The following UBR4 variants were observed in gnomAD, a reference collection of about 807,000 sequenced individuals.
The protein encoded by UBR4 is E3 ubiquitin-protein ligase UBR4.
Under a neutral mutation model 575.6 loss-of-function variants are expected in UBR4, and 124 were observed. That is an observed-to-expected ratio of 0.22 (90% confidence interval 0.19 to 0.25). UBR4 has a LOEUF of 0.25. Ranked by LOEUF, UBR4 falls within the 10% of genes least tolerant of loss-of-function variation. The pLI is 1.00. For missense variants in UBR4, 4,818 were observed against 6,478.8 expected (o/e 0.74, Z 8.80); for synonymous variants, 2,455 against 2,473.7 (o/e 0.99, Z 0.22).
At chr1:19,190,580 C>T (rs2091993926) in intron 11 of UBR4, among the ~76,000 whole-genome samples, 1 of 151,940 alleles carries the variant, frequency 6.6e-6, no homozygotes, top group Non-Finnish European at 1.5e-5. Flanking sequence ...ATTTCTTCCC[C>T]ATCTTCCCAT....
rs376978717 is a variant in UBR4 at position 19,099,713 on chromosome 1, T to C, written c.13222-36A>G. On this transcript the variant is annotated intron_variant, in intron 89 of 105. Transcript: ENST00000375254. ...AAGCAGGTGAAGCTGTTGTTCCAAA[T>C]AATTGTAAGACAAGTAAAATCCAAG... The C allele has an allele frequency of 6.0e-5, 95 of 1,580,606 alleles. No individual in the cohort carries two copies. In the African/African-American group the frequency reaches 1.2e-3, roughly 20 times the overall value.
intron 90 of UBR4, among the ~76,000 whole-genome samples, chr1:19,097,913 A>G (rs1239062186): frequency 1.3e-5 from 2 of 152,258 alleles, no homozygotes; most frequent in African/African-American, 4.8e-5. Flanking sequence ...GACTAGAATG[A>G]TAAGAATCAA....
chr1:19,114,010 C>T lies in UBR4; in HGVS notation c.11263G>A (p.Gly3755Arg). 1 of 1,614,210 alleles carries T rather than the reference C, an allele frequency of 6.2e-7. No homozygotes were observed. Among genetic ancestry groups the T allele is most frequent in the Non-Finnish European group, 8.5e-7 (1 of 1,180,036 alleles). The change falls in exon 76 of 106, where the codon GGA (glycine) becomes AGA (arginine). Residue 3755 changes from glycine to arginine, a missense_variant. Physicochemically the swap from Gly to Arg is moderately radical, Grantham distance 125 (BLOSUM62 -2). Coordinates refer to ENST00000375254, the MANE Select transcript of UBR4 (RefSeq NM_020765.3). ...AGGTTCTCCAGCTGTGGCCGGTGTC[C>T]CATCAGCTGATGATACACTCGATCA... Reference protein sequence around the residue: ...KADRVYHQLMGHRPQLENLLC... With the variant: ...KADRVYHQLMRHRPQLENLLC...
In UBR4 at chr1:19,114,118, C is replaced by G. The variant is rs569553473; in HGVS notation, c.11203-48G>C. ...TGAGTGAAGGCTTTTTGGCTGATGA[C>G]TTTCCCTGAGTAATCCTCACTGCTA... is the stretch of plus-strand genomic sequence containing the variant. On this transcript the variant is annotated intron_variant, in intron 75 of 105. Coordinates refer to ENST00000375254, the MANE Select transcript of UBR4 (RefSeq NM_020765.3). 8 of 1,590,760 alleles carry G rather than the reference C, an allele frequency of 5.0e-6. No individual in the cohort carries two copies. The East Asian group carries it at 1.8e-4, about 36-fold the overall frequency.
At position 19,172,907 on chromosome 1, in the gene UBR4, G is replaced by C. The variant is rs768521513; in HGVS notation, c.3478C>G (p.Pro1160Ala). 1.9e-6 allele frequency: 3 copies of C among 1,614,194 alleles called. No homozygotes were observed. Among genetic ancestry groups the C allele is most frequent in the South Asian group, 2.2e-5 (2 of 91,084 alleles). ...KSSEITKNLL[P>A]ATLQLIDTYA... ...GTGTCAATGAGTTGCAGCGTGGCTGGAAGTAGGTTCTTGGTAATCTCAGAC... is the reference window on the plus strand; with the variant it reads ...GTGTCAATGAGTTGCAGCGTGGCTGCAAGTAGGTTCTTGGTAATCTCAGAC... The change falls in exon 25 of 106, where the codon CCA (proline) becomes GCA (alanine). Residue 1160 changes from proline (P) to alanine (A), a missense_variant. Transcript: ENST00000375254.
chr1:19,097,884 T>A (rs920938792), intron 90 of UBR4, among the ~76,000 whole-genome samples: 2 of 152,236 alleles, frequency 1.3e-5, no homozygotes, highest in Non-Finnish European at 2.9e-5. Flanking sequence ...CACAATTCTT[T>A]AAGCTAAACC....
At chr1:19,109,260 G>A (rs2079571619) in intron 81 of UBR4, among the ~76,000 whole-genome samples, 1 of 152,192 alleles carries the variant, frequency 6.6e-6, no homozygotes, top group Admixed American at 6.5e-5. Context: ...AAGAACTATG[G>A]CCTCCCAATT....
rs16862575 is a variant in UBR4 at position 19,160,877 on chromosome 1, G to A, written c.5406+40C>T. ...CTCTCACACCAATTCAACAGGCTCTGAACTCTGTCTGCTTACTAGGGAGCA... is the reference window on the plus strand; with the variant it reads ...CTCTCACACCAATTCAACAGGCTCTAAACTCTGTCTGCTTACTAGGGAGCA... On this transcript the variant is annotated intron_variant, in intron 38 of 105. Coordinates refer to ENST00000375254, the MANE Select transcript of UBR4 (RefSeq NM_020765.3). The A allele has an allele frequency of 5.5e-3, 8,756 of 1,597,250 alleles. 219 individuals are homozygous for A. In the East Asian group the frequency reaches 0.07, roughly 13 times the overall value.
chr1:19,162,013 C>A, intron 35 of UBR4, 116 bp from the exon 36 acceptor site: 1 of 1,165,164 alleles, frequency 8.6e-7, no homozygotes, highest in East Asian at 2.5e-5. Context: ...GCAAATGACC[C>A]GTGGAAATCT....
At chr1:19,185,677 G>A (rs573641671) in intron 14 of UBR4, among the ~76,000 whole-genome samples, 10 of 150,834 alleles carry the variant, frequency 6.6e-5, no homozygotes, top group Admixed American at 4.6e-4. Flanking sequence ...AGGTTCAAGC[G>A]ATTCTCCTGC....
chr1:19,131,051 G>T (rs968548183), intron 60 of UBR4, among the ~76,000 whole-genome samples: 40 of 151,862 alleles, frequency 2.6e-4, no homozygotes, highest in African/African-American at 9.2e-4. Context: ...TGGTACCACT[G>T]GCGCATGCCA....
In UBR4 at chr1:19,112,786, C is replaced by G; in HGVS notation, c.11539G>C (p.Val3847Leu). Reference sequence around the variant, plus strand: ...TGGCTGGCAGTGAATGTGGGCTGCACGGAGGTCCGGGATGATTTAGTGGCT... The same window carrying G: ...TGGCTGGCAGTGAATGTGGGCTGCAGGGAGGTCCGGGATGATTTAGTGGCT... ...EAATKSSRTSVQPTFTASQYR... is the reference protein window; with the variant it reads ...EAATKSSRTSLQPTFTASQYR... The change falls in exon 78 of 106, where the codon GTG (valine) becomes CTG (leucine). Residue 3847 changes from valine (V) to leucine (L), a missense_variant. Val to Leu is a conservative substitution (Grantham distance 32). This residue lies in a region of UBR4 where 333 missense variants were observed against 459.2 expected (regional missense o/e 0.73). Coordinates refer to ENST00000375254, the MANE Select transcript of UBR4 (RefSeq NM_020765.3). 6.2e-7 allele frequency: 1 copy of G among 1,614,166 alleles called. No individual in the cohort carries two copies. The highest frequency in any genetic ancestry group is 8.5e-7 in the Non-Finnish European group (1 of 1,180,002).
At chr1:19,130,511 G>A (rs749010475) in intron 60 of UBR4, among the ~76,000 whole-genome samples, 2 of 152,188 alleles carry the variant, frequency 1.3e-5, no homozygotes, top group Admixed American at 6.5e-5. Context: ...GCAAGTCCCT[G>A]TCTCTAAAAA....
At chr1:19,205,473 ATCTT>A (rs1330390973) in intron 1 of UBR4, among the ~76,000 whole-genome samples, 8 of 152,162 alleles carry the variant, frequency 5.3e-5, no homozygotes, top group African/African-American at 1.9e-4. Context: ...GCTTATTCCT[ATCTT>A]TCTATCTATA....
At chr1:19,107,003 A>G (rs771041178) in intron 81 of UBR4, 37 bp from the exon 82 acceptor site, 5 of 1,608,388 alleles carry the variant, frequency 3.1e-6, no homozygotes, top group Non-Finnish European at 4.2e-6. Context: ...AGGGCGCTCA[A>G]GGGCACACCT....
In UBR4 at chr1:19,121,919, A is replaced by G; in HGVS notation, c.9895+15T>C. On this transcript the variant is annotated intron_variant, in intron 67 of 105. Coordinates refer to ENST00000375254, the MANE Select transcript of UBR4 (RefSeq NM_020765.3). The stretch of plus-strand genomic sequence containing the variant: ...TGAATGAATAACAGCAATCAAAAGG[A>G]GCAGCATTGCTTACAGTCATCTTTG... 1 of 1,614,096 alleles carries G rather than the reference A, an allele frequency of 6.2e-7. No individual in the cohort carries two copies. Among genetic ancestry groups the G allele is most frequent in the Non-Finnish European group, 8.5e-7 (1 of 1,179,966 alleles).
In UBR4 at chr1:19,112,859, A is replaced by C; in HGVS notation, c.11466T>G (p.Phe3822Leu). 6.4e-7 allele frequency: 1 copy of C among 1,573,324 alleles called. No individual in the cohort carries two copies. The highest frequency in any genetic ancestry group is 1.2e-5 in the South Asian group (1 of 86,416). Residue 3822 changes from phenylalanine to leucine, a missense_variant, in exon 78 of 106, where the codon TTT becomes TTG. Around this residue, in one of 29 missense-constraint regions of UBR4, gnomAD observed 333 missense variants for 459.2 expected, o/e 0.73. Coordinates refer to ENST00000375254, the MANE Select transcript of UBR4 (RefSeq NM_020765.3). The part of the protein sequence containing the change: ...DELSKIIQKV[F>L]ASRKELLEYD... ...ATTCCAACAACTCTTTGCGCGAAGC[A>C]AAGACTTTCTAAGAACAAAAAGGCA... is the stretch of plus-strand genomic sequence containing the variant.
chr1:19,193,323 A>C, intron 9 of UBR4, 110 bp downstream of exon 9: 6 of 1,441,998 alleles, frequency 4.2e-6, no homozygotes, highest in Non-Finnish European at 5.6e-6. Flanking sequence ...CAGGGAAAGT[A>C]GTGTGGAGAA....
chr1:19,087,909 G>A lies in UBR4; in HGVS notation c.14451C>T (p.Val4817=), dbSNP rs529663718. The change falls in exon 99 of 106, where the codon GTC becomes GTT. Residue 4817 remains valine, a synonymous_variant. Coordinates refer to ENST00000375254, the MANE Select transcript of UBR4 (RefSeq NM_020765.3). ...LGMTTNEKGQ[V]VTKTALLKQM... ...GCTTCAGGAGTGCTGTCTTGGTCAC[G>A]ACCTGGCCCTTTTCATTTGTCTGTA... The A allele has an allele frequency of 2.8e-5, 45 of 1,607,292 alleles. No homozygotes were observed. The highest frequency in any genetic ancestry group is 1.5e-4 in the Admixed American group (9 of 59,616).
Sources: gnomAD v4.1 joint callset for allele counts (sites outside exome capture counted in the v4.1 genomes callset) on GRCh38, gnomAD v4.1.1 for gene constraint, gnomAD v4.1.1 regional missense constraint, MANE v1.5 for transcripts, NCBI Gene and HGNC (gene_info 2026-07-23, HGNC 2026-07-21) for gene names.